MEF2B: variants seen among roughly 807,000 people sequenced by gnomAD.
MEF2B encodes the protein myocyte-specific enhancer factor 2B.
A neutral mutation model predicts 32.2 loss-of-function variants in MEF2B; 15 were observed. That is an observed-to-expected ratio of 0.47 (90% CI 0.31 to 0.72). The LOEUF is 0.72. MEF2B is among the 30% of genes least tolerant of loss of function. The pLI, the probability that MEF2B is intolerant of heterozygous loss-of-function variation, is 0.05. For missense variants in MEF2B, 441 were observed against 511.5 expected (o/e 0.86, Z 1.33); for synonymous variants, 205 against 225.6 (o/e 0.91, Z 0.82).
At chr19:19,149,161 C>A (rs2060052271) in intron 3 of MEF2B, 65 bp downstream of exon 3, 2 of 1,586,820 alleles carry the variant, frequency 1.3e-6, no homozygotes, top group African/African-American at 1.3e-5. Context: ...AACCAAGAGT[C>A]CCTGGGCTCT....
At chr19:19,153,601 C>T (rs1427532342) in intron 1 of MEF2B, among the ~76,000 whole-genome samples, 2 of 152,022 alleles carry the variant, frequency 1.3e-5, no homozygotes, top group South Asian at 2.1e-4. Flanking sequence ...CGATTACGGG[C>T]ATGCACCACC....
At position 19,149,110 on chromosome 19, in the gene MEF2B, G is replaced by A. The variant is rs527507272; in HGVS notation, c.258+116C>T. 3.4e-5 allele frequency: 45 copies of A among 1,342,416 alleles called. No individual in the cohort carries two copies. The Admixed American group carries it at 3.4e-4, about 10-fold the overall frequency. The allele number at this position is 1,342,416 out of a possible 1,614,324, so 83.2% of individuals were successfully genotyped here. A position where few individuals can be genotyped will look rare whatever the true frequency, so the allele number is the denominator to read the frequency against. On this transcript the variant is annotated intron_variant, in intron 3 of 8. Coordinates refer to ENST00000424583, the MANE Select transcript of MEF2B (RefSeq NM_001145785.2). Reference sequence around the variant, plus strand: ...TCTAGGGACAGCAGAAATAAAGCACGTCAGCCACAAAGCCAGATGAAGACA... The same window carrying A: ...TCTAGGGACAGCAGAAATAAAGCACATCAGCCACAAAGCCAGATGAAGACA...
Position 19,154,547 on chromosome 19 carries a change from G to A in MEF2B, c.-29-3783C>T, listed in dbSNP as rs996486357. Among the ~76,000 whole-genome samples, 3 of 152,156 alleles carry A rather than the reference G, an allele frequency of 2.0e-5. No homozygotes were observed. In the East Asian group the frequency reaches 5.8e-4, roughly 29 times the overall value. ...CAGTCTTCACCTCCCGGGTTCAAGC[G>A]ATTCTCCTGCTTCAGCCTCCCAAGT... On this transcript the variant is annotated intron_variant, in intron 1 of 8. Transcript: ENST00000424583.
At chr19:19,165,190 G>C (rs1387237266) in intron 1 of MEF2B, among the ~76,000 whole-genome samples, 2 of 152,154 alleles carry the variant, frequency 1.3e-5, no homozygotes, top group Non-Finnish European at 2.9e-5. Flanking sequence ...TCTGATGGGG[G>C]AGGCAACAGC....
chr19:19,148,520 C>T (rs1277179158), intron 3 of MEF2B, among the ~76,000 whole-genome samples: 1 of 152,054 alleles, frequency 6.6e-6, no homozygotes, highest in Non-Finnish European at 1.5e-5. Context: ...GCTGCCTTCT[C>T]CTGGGGCCAC....
chr19:19,154,938 CT>C (rs1447813827), intron 1 of MEF2B, among the ~76,000 whole-genome samples: 1 of 152,178 alleles, frequency 6.6e-6, no homozygotes, highest in Non-Finnish European at 1.5e-5. Flanking sequence ...CTTTAAGTCA[CT>C]GTACTCCAGG....
chr19:19,159,327 G>A lies in MEF2B; in HGVS notation c.-29-8563C>T, dbSNP rs1045959593. Among the ~76,000 whole-genome samples the A allele has an allele frequency of 1.4e-4, 21 of 151,878 alleles. No individual in the cohort carries two copies. The East Asian group carries it at 3.5e-3, about 25-fold the overall frequency. ...TCCCAGCTACTTGGGAGGCTGAGGC[G>A]GGAGGATCACGTGAGCCCAGGAGAT... is the stretch of plus-strand genomic sequence containing the variant. On this transcript the variant is annotated intron_variant, in intron 1 of 8. Coordinates refer to ENST00000424583, the MANE Select transcript of MEF2B (RefSeq NM_001145785.2).
chr19:19,166,789 C>A (rs987831580), intron 1 of MEF2B, among the ~76,000 whole-genome samples: 2 of 147,396 alleles, frequency 1.4e-5, no homozygotes, highest in Non-Finnish European at 3.0e-5. Flanking sequence ...AAGGGCAGGG[C>A]GTGGTGGCTC....
intron 1 of MEF2B, among the ~76,000 whole-genome samples, chr19:19,168,585 C>T (rs534327795): frequency 1.6e-4 from 24 of 150,342 alleles, no homozygotes; most frequent in Non-Finnish European, 2.4e-4. Context: ...TTTTTTGTTT[C>T]TTTTCTTTCT....
chr19:19,146,050 G>A (rs1171412509), intron 8 of MEF2B, 28 bp from the exon 9 acceptor site: 2 of 1,406,244 alleles, frequency 1.4e-6, no homozygotes, highest in Non-Finnish European at 1.9e-6. Context: ...GAGGGAGGCC[G>A]TGAGCTCAGC....
chr19:19,155,853 G>A (rs1049482342), intron 1 of MEF2B, among the ~76,000 whole-genome samples: 2 of 152,220 alleles, frequency 1.3e-5, no homozygotes, highest in Non-Finnish European at 2.9e-5. Context: ...GAGGTTTGGG[G>A]AGGCCTCTTC....
chr19:19,154,893 G>T (rs1482643051), intron 1 of MEF2B, among the ~76,000 whole-genome samples: 2 of 152,238 alleles, frequency 1.3e-5, no homozygotes, highest in Non-Finnish European at 2.9e-5. Context: ...GAGACTGGGG[G>T]TAGGGCCCCC....
chr19:19,150,892 A>G, intron 1 of MEF2B, 128 bp from the exon 2 acceptor site: 8 of 1,189,664 alleles, frequency 6.7e-6, no homozygotes, highest in Non-Finnish European at 8.4e-6. Context: ...AAATCAAGGC[A>G]GGCTGGGTCA....
intron 1 of MEF2B, among the ~76,000 whole-genome samples, chr19:19,161,058 G>A (rs899565584): frequency 1.3e-5 from 2 of 152,112 alleles, no homozygotes; most frequent in Non-Finnish European, 2.9e-5. Flanking sequence ...AGCTTCTCTG[G>A]AACTCAGTTT....
chr19:19,160,203 C>T (rs1003662698), intron 1 of MEF2B, among the ~76,000 whole-genome samples: 3 of 151,990 alleles, frequency 2.0e-5, no homozygotes, highest in African/African-American at 7.3e-5. Flanking sequence ...CTCCTGACCT[C>T]AAGTGATCCG....
Position 19,147,141 on chromosome 19 carries a change from C to T in MEF2B, c.436G>A (p.Ala146Thr), listed in dbSNP as rs1022100044. ...AMPSPDVVYG[A>T]LPPPGCDPSG... is the part of the protein sequence containing the mutation. Reference sequence around the variant, plus strand: ...GGGTCACAGCCTGGTGGCGGTAAGGCCCCGTATACCACATCTGGGCTGGGC... The same window carrying T: ...GGGTCACAGCCTGGTGGCGGTAAGGTCCCGTATACCACATCTGGGCTGGGC... The change falls in exon 5 of 9, where the codon GCC (alanine) becomes ACC (threonine). Residue 146 changes from alanine to threonine, a missense_variant. Transcript: ENST00000424583. 6.3e-7 allele frequency: 1 copy of T among 1,595,288 alleles called. No individual in the cohort carries two copies. The highest frequency in any genetic ancestry group is 8.5e-7 in the Non-Finnish European group (1 of 1,171,706).
intron 1 of MEF2B, among the ~76,000 whole-genome samples, chr19:19,158,353 C>T (rs1276955971): frequency 3.2e-5 from 3 of 92,820 alleles, no homozygotes; most frequent in African/African-American, 1.2e-4. Context: ...GGCCAAAGTG[C>T]TGGGATTACA....
chr19:19,167,067 C>T (rs1313205116), intron 1 of MEF2B, among the ~76,000 whole-genome samples: 1 of 150,950 alleles, frequency 6.6e-6, no homozygotes, highest in Non-Finnish European at 1.5e-5. Context: ...TAGCTGGTCA[C>T]AGGCTGGCCA....
At chr19:19,155,556 A>G (rs1471629990) in intron 1 of MEF2B, among the ~76,000 whole-genome samples, 1 of 152,174 alleles carries the variant, frequency 6.6e-6, no homozygotes, top group Non-Finnish European at 1.5e-5. Context: ...AGCTTCCCTC[A>G]ACAACTTCCT....
Sources: allele counts gnomAD v4.1 joint callset (sites outside exome capture counted in the v4.1 genomes callset), GRCh38; gene constraint gnomAD v4.1.1; transcripts MANE v1.5; gene names NCBI Gene and HGNC (gene_info 2026-07-23, HGNC 2026-07-21).